Variants in MTCL2 observed in about 807,000 individuals in gnomAD.
The protein encoded by MTCL2 is microtubule cross-linking factor 2.
chr20:36,794,662 T>C, the MTCL2 span: 2 of 1,607,000 alleles, frequency 1.2e-6, no homozygotes, highest in Non-Finnish European at 1.7e-6. The surrounding 1 kb of genome is among the most constrained non-coding windows in gnomAD (Gnocchi z 5.4). Context: ...CACACTCTGG[T>C]CTACCACCCT....
the MTCL2 span, chr20:36,815,140 C>T: frequency 1.9e-6 from 3 of 1,594,156 alleles, no homozygotes; most frequent in Non-Finnish European, 2.6e-6. This position sits in a 1 kb window ranked among gnomAD's most constrained non-coding sequence, Gnocchi z 5.3. Context: ...AAGTCTGAGC[C>T]AAGGTCTTTT....
chr20:36,815,656 C>T, the MTCL2 span: 41 of 1,607,386 alleles, frequency 2.6e-5, no homozygotes, highest in Non-Finnish European at 3.4e-5. The surrounding 1 kb of genome is among the most constrained non-coding windows in gnomAD (Gnocchi z 5.3). Context: ...GAGAGGAGCA[C>T]GCGGTTCTCG....
chr20:36,860,492 T>A, the MTCL2 span, among the ~76,000 whole-genome samples: 2 of 152,188 alleles, frequency 1.3e-5, no homozygotes, highest in Non-Finnish European at 2.9e-5. Context: ...AGCTGCCGAA[T>A]GAACCAATGA....
At chr20:36,860,895 C>CCCG in the MTCL2 span, among the ~76,000 whole-genome samples, 47 of 152,164 alleles carry the variant, frequency 3.1e-4, no homozygotes, top group Admixed American at 5.2e-4. Flanking sequence ...CCAGCTGGAC[C>CCCG]CCGGCCCCTG....
At chr20:36,862,776 C>A in the MTCL2 span, 2 of 1,435,720 alleles carry the variant, frequency 1.4e-6, no homozygotes, top group South Asian at 1.4e-5. Context: ...GAGCGGCAAG[C>A]GGCTGCTGCC....
chr20:36,853,700 GGGGT>G, the MTCL2 span, among the ~76,000 whole-genome samples: 10 of 119,978 alleles, frequency 8.3e-5, no homozygotes, highest in African/African-American at 3.3e-4. Flanking sequence ...CTATCAGGGA[GGGGT>G]GTGTGTGTGT....
At chr20:36,837,523 G>T in the MTCL2 span, among the ~76,000 whole-genome samples, 1 of 150,700 alleles carries the variant, frequency 6.6e-6, no homozygotes, top group Non-Finnish European at 1.5e-5. Context: ...ACATTTTTGA[G>T]TCCTTATGCT....
At chr20:36,842,973 C>T in the MTCL2 span, among the ~76,000 whole-genome samples, 1 of 152,064 alleles carries the variant, frequency 6.6e-6, no homozygotes, top group Non-Finnish European at 1.5e-5. Flanking sequence ...CGTCTTTCCC[C>T]AAAGAAAACG....
the MTCL2 span, chr20:36,808,552 C>CT: frequency 6.2e-7 from 1 of 1,607,960 alleles, no homozygotes; most frequent in Non-Finnish European, 8.5e-7. Context: ...AAACCTTGCC[C>CT]TGCCGCCAGC....
the MTCL2 span, chr20:36,793,642 C>T: frequency 6.7e-5 from 104 of 1,551,070 alleles, no homozygotes; most frequent in Middle Eastern, 3.3e-4. The surrounding 1 kb of genome is among the most constrained non-coding windows in gnomAD (Gnocchi z 6.8). Context: ...CAGGGCTGTC[C>T]CGCGTGGTGG....
chr20:36,801,275 T>C, the MTCL2 span, among the ~76,000 whole-genome samples: 1 of 152,092 alleles, frequency 6.6e-6, no homozygotes, highest in Non-Finnish European at 1.5e-5. Flanking sequence ...TAACAAATCA[T>C]AGTATCTCCA....
At chr20:36,829,676 A>AC in the MTCL2 span, among the ~76,000 whole-genome samples, 14 of 151,576 alleles carry the variant, frequency 9.2e-5, no homozygotes, top group Non-Finnish European at 2.1e-4. Context: ...CATAACCACA[A>AC]CTGGCTAATT....
the MTCL2 span, chr20:36,793,284 G>C: frequency 1.9e-6 from 3 of 1,551,690 alleles, no homozygotes; most frequent in African/African-American, 4.1e-5. This position sits in a 1 kb window ranked among gnomAD's most constrained non-coding sequence, Gnocchi z 6.8. Context: ...TCTCCGTCCC[G>C]GAGGACACCA....
At chr20:36,810,078 C>T in the MTCL2 span, 3 of 1,599,092 alleles carry the variant, frequency 1.9e-6, no homozygotes, top group Non-Finnish European at 1.7e-6. Context: ...TGTCGTGGGC[C>T]TCAGCCAGCA....
chr20:36,863,133 T>G, the MTCL2 span: 17 of 1,396,396 alleles, frequency 1.2e-5, no homozygotes, highest in Admixed American at 3.3e-4. The surrounding 1 kb of genome is among the most constrained non-coding windows in gnomAD (Gnocchi z 6.2). Flanking sequence ...CCCCTTCTTG[T>G]CCGGCCGTGA....
At chr20:36,815,514 C>G in the MTCL2 span, 37 of 1,579,978 alleles carry the variant, frequency 2.3e-5, no homozygotes, top group South Asian at 4.1e-4. The surrounding 1 kb of genome is among the most constrained non-coding windows in gnomAD (Gnocchi z 5.3). Context: ...TCTGCAGAGT[C>G]GGACCGCATG....
chr20:36,847,288 C>A, the MTCL2 span, among the ~76,000 whole-genome samples: 2 of 152,236 alleles, frequency 1.3e-5, no homozygotes. Flanking sequence ...ATTCCCTCTG[C>A]TAGAACGGCC....
chr20:36,829,107 C>T, the MTCL2 span: 3 of 1,567,590 alleles, frequency 1.9e-6, no homozygotes, highest in Admixed American at 1.9e-5. Context: ...AGCTCAGTCT[C>T]GATGAGCCGC....
chr20:36,849,060 CTTT>C, the MTCL2 span, among the ~76,000 whole-genome samples: 3 of 62,238 alleles, frequency 4.8e-5, no homozygotes, highest in African/African-American at 1.3e-4. Flanking sequence ...AGTTGGTTTC[CTTT>C]TTTTTTTTTT....
Sources: gnomAD v4.1 joint callset for allele counts (sites outside exome capture counted in the v4.1 genomes callset) on GRCh38, gnomAD v4.1.1 for gene constraint, Gnocchi (gnomAD v3.1) non-coding constraint, MANE v1.5 for transcripts, NCBI Gene and HGNC (gene_info 2026-07-23, HGNC 2026-07-21) for gene names.